The following MTA3 variants were observed in gnomAD, a reference collection of about 807,000 sequenced individuals.
MTA3 encodes the protein metastasis-associated protein MTA3.
A neutral mutation model predicts 83.5 loss-of-function variants in MTA3; 34 were observed. The observed-to-expected ratio is 0.41, with a 90% CI of 0.31 to 0.54. The LOEUF (loss-of-function observed/expected upper bound fraction) is 0.54. Among genes scored for constraint, MTA3 ranks in the 20% least tolerant of loss-of-function variants. The pLI, the probability that MTA3 is intolerant of heterozygous loss-of-function variation, is 0.33. For synonymous variants in MTA3, 303 were observed against 252.7 expected (o/e 1.20, Z -1.89); for missense variants, 761 against 726.4 (o/e 1.05, Z -0.55).
At chr2:42,520,535 CAT>C (rs1675377224) in intron 2 of MTA3, among the ~76,000 whole-genome samples, 1 of 152,046 alleles carries the variant, frequency 6.6e-6, no homozygotes, top group South Asian at 2.1e-4. Context: ...TACCTTTTCC[CAT>C]CTCAGGTCAT....
At position 42,616,037 on chromosome 2, in the gene MTA3, C is replaced by T. The variant is rs114080226; in HGVS notation, c.317+6453C>T. ...GCCCGGCCGTACAGGCGTGAGCCAC[C>T]GAGACTGGCCGCTAATAATCTCTTC... On this transcript the variant is annotated intron_variant, in intron 4 of 16. Transcript: ENST00000405094. Among the ~76,000 whole-genome samples the T allele has an allele frequency of 3.2e-3, 486 of 151,340 alleles. 3 individuals carry two copies. Among genetic ancestry groups the T allele is most frequent in the African/African-American group, 0.011 (467 of 41,270 alleles).
chr2:42,576,901 CA>C (rs1466175701), intron 2 of MTA3, among the ~76,000 whole-genome samples: 3 of 150,422 alleles, frequency 2.0e-5, no homozygotes, highest in Non-Finnish European at 4.4e-5. Flanking sequence ...TCTCAACAAA[CA>C]AACAAAAAAA....
chr2:42,684,262 A>T (rs867201910), intron 9 of MTA3, among the ~76,000 whole-genome samples: 2 of 152,206 alleles, frequency 1.3e-5, no homozygotes, highest in Non-Finnish European at 2.9e-5. Context: ...ATGAAAATAG[A>T]ATCTTTATAG....
chr2:42,675,325 G>A (rs1236796136), intron 8 of MTA3, among the ~76,000 whole-genome samples: 1 of 151,896 alleles, frequency 6.6e-6, no homozygotes, highest in East Asian at 1.9e-4. Context: ...TAGTAGAGAT[G>A]GGCTTTCACT....
At chr2:42,739,682 T>C (rs1300411346) in intron 16 of MTA3, among the ~76,000 whole-genome samples, 1 of 152,248 alleles carries the variant, frequency 6.6e-6, no homozygotes, top group Non-Finnish European at 1.5e-5. Flanking sequence ...GATAGTATTT[T>C]ACCCACATTA....
At chr2:42,598,942 T>A (rs949164713) in intron 3 of MTA3, among the ~76,000 whole-genome samples, 1 of 152,178 alleles carries the variant, frequency 6.6e-6, no homozygotes, top group African/African-American at 2.4e-5. Context: ...GCATTTTCAG[T>A]TGTCCCTTCC....
At chr2:42,747,243 G>A (rs545549687) in intron 16 of MTA3, among the ~76,000 whole-genome samples, 11 of 152,046 alleles carry the variant, frequency 7.2e-5, no homozygotes, top group East Asian at 1.9e-4. Flanking sequence ...CAGGTTATCC[G>A]CCCACCTCAG....
At chr2:42,565,996 CGAAACTCCGTCTCA>C (rs979112914), upstream of MTA3, among the ~76,000 whole-genome samples, 51 of 152,120 alleles carry the variant, frequency 3.4e-4, no homozygotes, top group African/African-American at 1.0e-3. Context: ...GCAGCGAGAG[CGAAACTCCGTCTCA>C]AAAAAAATTT....
At chr2:42,576,228 T>A (rs1679018435) in intron 2 of MTA3, among the ~76,000 whole-genome samples, 1 of 152,124 alleles carries the variant, frequency 6.6e-6, no homozygotes, top group African/African-American at 2.4e-5. Flanking sequence ...AAGAAAATAG[T>A]AATAGTAATG....
chr2:42,707,198 C>A (rs4953573), intron 12 of MTA3, among the ~76,000 whole-genome samples: 99,145 of 151,882 alleles, frequency 0.65, 33,535 homozygotes, highest in African/African-American at 0.83. Flanking sequence ...TTAAATAATC[C>A]TTGGAGTGGT....
chr2:42,511,819 C>A (rs1373039297), intron 2 of MTA3: 1 of 152,212 alleles, frequency 6.6e-6, no homozygotes, highest in Non-Finnish European at 1.5e-5. Context: ...GAGATTGAGA[C>A]CATCCTAGCT....
At chr2:42,682,255 A>T (rs1573603614) in intron 8 of MTA3, 146 bp from the exon 9 acceptor site, 4 of 576,550 alleles carry the variant, frequency 6.9e-6, no homozygotes, top group Non-Finnish European at 8.4e-6. Flanking sequence ...TTAAATAATT[A>T]TTTAGTAATC....
Position 42,754,134 on chromosome 2 carries a change from A to T in MTA3, c.*735A>T. On this transcript the variant is annotated 3_prime_UTR_variant, in exon 17 of 17. Transcript: ENST00000405094. ...TGCCCGGCTCTGCTTGGTCACAGACAGCTCCAGCAAGAGCAGTTGTTAAAA... is the reference window on the plus strand; with the variant it reads ...TGCCCGGCTCTGCTTGGTCACAGACTGCTCCAGCAAGAGCAGTTGTTAAAA... 1.0e-6 allele frequency: 1 copy of T among 985,460 alleles called. No homozygotes were observed. The highest frequency in any genetic ancestry group is 1.2e-6 in the Non-Finnish European group (1 of 829,952). The allele number at this position is 985,460 out of a possible 1,614,324, so 61.0% of individuals were successfully genotyped here.
At chr2:42,531,454 T>TTTTTC (rs1675962966) in intron 2 of MTA3, among the ~76,000 whole-genome samples, 1 of 138,700 alleles carries the variant, frequency 7.2e-6, no homozygotes, top group Non-Finnish European at 1.6e-5. Flanking sequence ...TCTTTTTTTT[T>TTTTTC]TTTTTTTTTT....
At chr2:42,632,383 C>A (rs942110189) in intron 4 of MTA3, among the ~76,000 whole-genome samples, 1 of 152,172 alleles carries the variant, frequency 6.6e-6, no homozygotes, top group African/African-American at 2.4e-5. Flanking sequence ...AGCCACCGCG[C>A]CCAGCCCCCA....
At chr2:42,504,011 C>T (rs1387732768) in intron 2 of MTA3, among the ~76,000 whole-genome samples, 1 of 150,942 alleles carries the variant, frequency 6.6e-6, no homozygotes, top group Non-Finnish European at 1.5e-5. Flanking sequence ...GCAACCTCCA[C>T]CTCCCGGGTT....
chr2:42,748,594 G>T (rs1020121013), intron 16 of MTA3, among the ~76,000 whole-genome samples: 1 of 151,904 alleles, frequency 6.6e-6, no homozygotes, highest in Non-Finnish European at 1.5e-5. Flanking sequence ...CATTATATTC[G>T]TCTTTTTCTA....
chr2:42,687,128 A>G (rs1692448974), intron 9 of MTA3, among the ~76,000 whole-genome samples: 1 of 152,148 alleles, frequency 6.6e-6, no homozygotes, highest in Non-Finnish European at 1.5e-5. Flanking sequence ...CTCTGTCTCC[A>G]CAAACAAACA....
Position 42,518,968 on chromosome 2 carries a change from A to AACACAC in MTA3, c.-141+23771_-141+23776dup, listed in dbSNP as rs60877713. Among the ~76,000 whole-genome samples the AACACAC allele has an allele frequency of 4.7e-4, 54 of 114,682 alleles. 1 individual carries two copies. The highest frequency in any genetic ancestry group is 2.5e-3 in the East Asian group (9 of 3,544). The allele number at this position is 114,682 out of a possible 152,430, so 75.2% of individuals were successfully genotyped here. A position where few individuals can be genotyped will look rare whatever the true frequency, so the allele number is the denominator to read the frequency against. On this transcript the variant is annotated intron_variant, in intron 2 of 17. Transcript: ENST00000405592. ...GTGACAGAGTGAGACCCTTTCTCAAAACACACACACACACACACACACACA... is the reference window on the plus strand; with the variant it reads ...GTGACAGAGTGAGACCCTTTCTCAAAACACACACACACACACACACACACACACACA...
Sources: gnomAD v4.1 joint callset for allele counts (sites outside exome capture counted in the v4.1 genomes callset) on GRCh38, gnomAD v4.1.1 for gene constraint, MANE v1.5 for transcripts, NCBI Gene and HGNC (gene_info 2026-07-23, HGNC 2026-07-21) for gene names.